The following CORO1C variants were observed in gnomAD, a reference collection of about 807,000 sequenced individuals.
The protein encoded by CORO1C is coronin 1C, also known as coronin-1C.
Under a neutral mutation model 51.2 loss-of-function variants are expected in CORO1C, and 14 were observed. The observed-to-expected ratio is 0.27, with a 90% CI of 0.18 to 0.43. The LOEUF is 0.43. Ranked by LOEUF, CORO1C falls within the 20% of genes least tolerant of loss-of-function variation. The pLI is 1.00. For synonymous variants in CORO1C, 181 were observed against 210.5 expected (o/e 0.86, Z 1.21); for missense variants, 417 against 607.8 (o/e 0.69, Z 3.30).
chr12:108,679,840 T>C (rs577384771), intron 2 of CORO1C, among the ~76,000 whole-genome samples: 18 of 152,220 alleles, frequency 1.2e-4, no homozygotes, highest in Non-Finnish European at 2.6e-4. Context: ...TTCACCTCAT[T>C]CGTCATCTGT....
intron 8 of CORO1C, 135 bp from the exon 9 acceptor site, chr12:108,649,155 C>G: frequency 2.2e-6 from 2 of 926,050 alleles, no homozygotes; most frequent in Admixed American, 2.5e-5. Context: ...TGATCCACCC[C>G]GGGAATAGGC....
intron 8 of CORO1C, chr12:108,649,412 G>A (rs192710037): frequency 1.4e-3 from 342 of 238,676 alleles, no homozygotes; most frequent in Admixed American, 3.0e-3. Flanking sequence ...TATCTACAAC[G>A]CGGGTACAAG....
intron 3 of CORO1C, among the ~76,000 whole-genome samples, chr12:108,667,892 A>C (rs937631771): frequency 1.3e-5 from 2 of 152,246 alleles, no homozygotes; most frequent in Non-Finnish European, 2.9e-5. Flanking sequence ...TCCCAACAAG[A>C]AAAAAGGAAA....
intron 7 of CORO1C, 49 bp from the exon 8 acceptor site, chr12:108,652,466 C>G (rs1400079478): frequency 4.6e-6 from 7 of 1,520,608 alleles, no homozygotes; most frequent in Non-Finnish European, 6.4e-6. Context: ...ACTGAAACAT[C>G]TGGATTATGG....
intron 1 of CORO1C, among the ~76,000 whole-genome samples, chr12:108,711,467 G>A (rs1364644703): frequency 6.6e-6 from 1 of 151,862 alleles, no homozygotes; most frequent in Admixed American, 6.6e-5. Context: ...ATCGCCTGAG[G>A]TCAGGAGTTC....
chr12:108,696,313 C>T (rs2034680563), intron 2 of CORO1C: 1 of 151,764 alleles, frequency 6.6e-6, no homozygotes, highest in Non-Finnish European at 1.5e-5. Flanking sequence ...AAGAGAATGT[C>T]AAGAGATCAA....
intron 3 of CORO1C, among the ~76,000 whole-genome samples, chr12:108,674,552 TAA>T (rs60922936): frequency 0.012 from 1,617 of 132,544 alleles, 26 homozygotes; most frequent in African/African-American, 0.036. Context: ...CGTCTCAATT[TAA>T]AAAAAAAAAA....
chr12:108,727,521 C>T (rs1183915111), intron 1 of CORO1C, among the ~76,000 whole-genome samples: 1 of 152,182 alleles, frequency 6.6e-6, no homozygotes, highest in Non-Finnish European at 1.5e-5. Flanking sequence ...GGAGTCTGAA[C>T]TTTATTTTGT....
chr12:108,692,147 C>T (rs1355533942), intron 2 of CORO1C, among the ~76,000 whole-genome samples: 2 of 151,960 alleles, frequency 1.3e-5, no homozygotes, highest in Middle Eastern at 3.2e-3. Flanking sequence ...CACCTGGTGC[C>T]CTCCCCCTGC....
intron 1 of CORO1C, among the ~76,000 whole-genome samples, chr12:108,724,051 T>C (rs1248419131): frequency 6.6e-6 from 1 of 152,230 alleles, no homozygotes; most frequent in Non-Finnish European, 1.5e-5. Context: ...AGAGATATCA[T>C]GTATTTTCAA....
intron 1 of CORO1C, among the ~76,000 whole-genome samples, chr12:108,720,764 C>T (rs566761076): frequency 4.6e-5 from 7 of 152,144 alleles, no homozygotes; most frequent in Admixed American, 2.6e-4. Flanking sequence ...ACCTCGTGAT[C>T]CACCCGCCTC....
intron 2 of CORO1C, chr12:108,696,520 G>A (rs1040195530): frequency 1.3e-5 from 2 of 152,120 alleles, no homozygotes; most frequent in Non-Finnish European, 2.9e-5. Flanking sequence ...TCTACGTCAC[G>A]AGTGTGGCTA....
chr12:108,681,268 G>T (rs968160165), intron 2 of CORO1C, among the ~76,000 whole-genome samples: 6 of 152,208 alleles, frequency 3.9e-5, no homozygotes, highest in South Asian at 2.1e-4. Flanking sequence ...AGAATTAAAA[G>T]AATGGAACAG....
rs1427115046 is a variant in CORO1C, at chr12:108,704,245, A to T, written c.-5-2922T>A. 1.3e-5 allele frequency among the ~76,000 whole-genome samples: 2 copies of T among 152,158 alleles called. 1 individual carries two copies. Among genetic ancestry groups the T allele is most frequent in the Non-Finnish European group, 2.9e-5 (2 of 68,036 alleles). Reference sequence around the variant, plus strand: ...GTAATCCCAGCACTTTGGGAAGCTGAGACGGATCACGAGGTCAGGCGATCA... The same window carrying T: ...GTAATCCCAGCACTTTGGGAAGCTGTGACGGATCACGAGGTCAGGCGATCA... On this transcript the variant is annotated intron_variant, in intron 1 of 10. Coordinates refer to ENST00000261401, the MANE Select transcript of CORO1C (RefSeq NM_014325.4).
chr12:108,650,751 T>G (rs1234744749), intron 8 of CORO1C, among the ~76,000 whole-genome samples: 1 of 152,244 alleles, frequency 6.6e-6, no homozygotes, highest in Non-Finnish European at 1.5e-5. Context: ...ATCGGAGACA[T>G]TCTGAACAAC....
At chr12:108,653,683 T>C (rs562475651) in intron 7 of CORO1C, among the ~76,000 whole-genome samples, 2 of 152,124 alleles carry the variant, frequency 1.3e-5, no homozygotes, top group East Asian at 3.9e-4. Flanking sequence ...GTTTTTGGAG[T>C]TCAGTGTGGA....
At chr12:108,685,272 C>A (rs536270024) in intron 2 of CORO1C, among the ~76,000 whole-genome samples, 1 of 152,220 alleles carries the variant, frequency 6.6e-6, no homozygotes, top group South Asian at 2.1e-4. Flanking sequence ...CAGCTCAGCC[C>A]CAATAAATCC....
At chr12:108,724,488 G>GC (rs1007129510) in intron 1 of CORO1C, among the ~76,000 whole-genome samples, 1 of 152,162 alleles carries the variant, frequency 6.6e-6, no homozygotes, top group Non-Finnish European at 1.5e-5. Flanking sequence ...GAATAGACCA[G>GC]CCCACAGTGC....
intron 6 of CORO1C, among the ~76,000 whole-genome samples, chr12:108,656,275 T>C (rs1404978010): frequency 6.8e-6 from 1 of 147,092 alleles, no homozygotes; most frequent in Non-Finnish European, 1.5e-5. Flanking sequence ...AGCCACCCCG[T>C]CCGGGAGGGA....
Sources: allele counts gnomAD v4.1 joint callset (sites outside exome capture counted in the v4.1 genomes callset), GRCh38; gene constraint gnomAD v4.1.1; transcripts MANE v1.5; gene names NCBI Gene and HGNC (gene_info 2026-07-23, HGNC 2026-07-21).